The following BRF2 variants were observed in gnomAD, a reference collection of about 807,000 sequenced individuals.
BRF2 encodes transcription factor IIIB 50 kDa subunit.
Under a neutral mutation model 26.6 loss-of-function variants are expected in BRF2, and 17 were observed. The ratio of observed to expected loss-of-function variants is 0.64; its 90% CI spans 0.44 to 0.96. BRF2 has a LOEUF of 0.96. BRF2 is among the 40% of genes least tolerant of loss of function. BRF2 has a pLI of 0.00. For synonymous variants in BRF2, 219 were observed against 226.6 expected (o/e 0.97, Z 0.30); for missense variants, 515 against 537.0 (o/e 0.96, Z 0.40).
At chr8:37,846,675 G>A (rs979184176) in intron 3 of BRF2, among the ~76,000 whole-genome samples, 179 bp downstream of exon 3, 2 of 151,888 alleles carry the variant, frequency 1.3e-5, no homozygotes, top group Non-Finnish European at 2.9e-5. Context: ...GCTGAGGCAG[G>A]AGAATAGCTT....
In BRF2 at chr8:37,844,388, G is replaced by C. The variant is rs1805908692; in HGVS notation, c.*102C>G. 1.3e-6 allele frequency: 2 copies of C among 1,488,176 alleles called. No individual in the cohort carries two copies. The highest frequency in any genetic ancestry group is 1.4e-5 in the African/African-American group (1 of 71,558). The allele number at this position is 1,488,176 out of a possible 1,614,324, so 92.2% of individuals were successfully genotyped here. On this transcript the variant is annotated 3_prime_UTR_variant, in exon 4 of 4. Transcript: ENST00000220659. ...AGCCCCTCTTGGTTCCTTCAAACAA[G>C]AAAAGCAATACCTACGGACTGGTGT...
At chr8:37,849,208 GCCACCCCACC>G (rs1806019350) in intron 1 of BRF2, among the ~76,000 whole-genome samples, 1 of 152,214 alleles carries the variant, frequency 6.6e-6, no homozygotes, top group Admixed American at 6.5e-5. Flanking sequence ...ACAGGCGTAA[GCCACCCCACC>G]CAGACAATGG....
rs138044288 is a variant in BRF2, at chr8:37,849,681, C to T, written c.103G>A (p.Val35Ile). Residue 35 changes from valine (V) to isoleucine (I), a missense_variant, in exon 1 of 4, where the codon GTC (valine) becomes ATC (isoleucine). Coordinates refer to ENST00000220659, the MANE Select transcript of BRF2 (RefSeq NM_018310.4). Reference protein sequence around the residue: ...QLVCSDCGCVVTEGVLTTTFS... With the variant: ...QLVCSDCGCVITEGVLTTTFS... ...GTAGTGGTAAGGACCCCCTCGGTGA[C>T]CACGCAGCCGCAGTCGGAGCACACC... The T allele has an allele frequency of 1.2e-6, 2 of 1,613,570 alleles. No homozygotes were observed. Among genetic ancestry groups the T allele is most frequent in the Admixed American group, 1.7e-5 (1 of 59,998 alleles).
rs925351438 is a variant in BRF2 at position 37,843,667 on chromosome 8, G to C, written c.*823C>G. 6.6e-6 allele frequency: 1 copy of C among 152,454 alleles called. No individual in the cohort carries two copies. Among genetic ancestry groups the C allele is most frequent in the Admixed American group, 6.5e-5 (1 of 15,276 alleles). 9.4% of individuals were successfully genotyped at this position (152,454 alleles called of 1,614,324 possible). A position where few individuals can be genotyped will look rare whatever the true frequency, so the allele number is the denominator to read the frequency against. ...CATCACCAAGGTGACAGAGGACACA[G>C]GGGAGGGGGAAAACCCACACACACT... On this transcript the variant is annotated 3_prime_UTR_variant, in exon 4 of 4. Transcript: ENST00000220659.
chr8:37,845,331 C>T (rs1233749315), intron 3 of BRF2, 118 bp from the exon 4 acceptor site: 8 of 778,186 alleles, frequency 1.0e-5, no homozygotes, highest in African/African-American at 8.6e-5. Flanking sequence ...TACTCAAGCT[C>T]ACTGGGCAGC....
At chr8:37,847,208 T>C in intron 2 of BRF2, 33 bp from the exon 3 acceptor site, 3 of 1,596,158 alleles carry the variant, frequency 1.9e-6, no homozygotes, top group Non-Finnish European at 2.6e-6. Flanking sequence ...GTTAGAGGGG[T>C]CAAAGGAGCT....
intron 1 of BRF2, 112 bp from the exon 2 acceptor site, chr8:37,848,767 G>T: frequency 1.2e-6 from 1 of 831,884 alleles, no homozygotes; most frequent in Non-Finnish European, 2.1e-6. Flanking sequence ...ATCTGCTGCT[G>T]CACAGTTAAA....
At position 37,847,111 on chromosome 8, in the gene BRF2, C is replaced by A. The variant is rs749168448; in HGVS notation, c.279G>T (p.Ala93=). Residue 93 remains alanine, a synonymous_variant, in exon 3 of 4, where the codon GCG becomes GCT. Coordinates refer to ENST00000220659, the MANE Select transcript of BRF2 (RefSeq NM_018310.4). ...LQLPPTFEDT[A]VAYYQQAYRH... Reference sequence around the variant, plus strand: ...GATATGCCTGTTGGTAGTAGGCAACCGCGGTATCCTCAAATGTTGGTGGCA... The same window carrying A: ...GATATGCCTGTTGGTAGTAGGCAACAGCGGTATCCTCAAATGTTGGTGGCA... The A allele has an allele frequency of 1.2e-6, 2 of 1,614,060 alleles. No individual in the cohort carries two copies. Among genetic ancestry groups the A allele is most frequent in the South Asian group, 2.2e-5 (2 of 91,084 alleles).
rs540552226 is a variant in BRF2 at position 37,843,964 on chromosome 8, C to T, written c.*526G>A. On this transcript the variant is annotated 3_prime_UTR_variant, in exon 4 of 4. Transcript: ENST00000220659. ...TAATATATTAAAATTTTGCAAAGCC[C>T]TTTGAGCTACTGCCTTAGTCTACCC... is the stretch of plus-strand genomic sequence containing the variant. The T allele has an allele frequency of 6.5e-6, 1 of 153,650 alleles. No individual in the cohort carries two copies. Among genetic ancestry groups the T allele is most frequent in the Non-Finnish European group, 1.5e-5 (1 of 68,808 alleles). 9.5% of individuals were successfully genotyped at this position (153,650 alleles called of 1,614,324 possible). A position where few individuals can be genotyped will look rare whatever the true frequency, so the allele number is the denominator to read the frequency against.
In BRF2 at chr8:37,843,656, C is replaced by CA. The variant is rs1168694728; in HGVS notation, c.*833dup. The CA allele has an allele frequency of 1.3e-5, 2 of 152,290 alleles. No individual in the cohort carries two copies. The highest frequency in any genetic ancestry group is 4.8e-5 in the African/African-American group (2 of 41,364). 9.4% of individuals were successfully genotyped at this position (152,290 alleles called of 1,614,324 possible). On this transcript the variant is annotated 3_prime_UTR_variant, in exon 4 of 4. Coordinates refer to ENST00000220659, the MANE Select transcript of BRF2 (RefSeq NM_018310.4). ...CACTCTGGCCTCATCACCAAGGTGA[C>CA]AGAGGACACAGGGGAGGGGGAAAAC... is the stretch of plus-strand genomic sequence containing the variant.
At chr8:37,849,096 A>C (rs1294614556) in intron 1 of BRF2, among the ~76,000 whole-genome samples, 2 of 152,114 alleles carry the variant, frequency 1.3e-5, no homozygotes, top group South Asian at 2.1e-4. Context: ...CTAATTAAAA[A>C]AAAATTTTTT....
chr8:37,847,953 T>TTATTATTAG (rs1270643400), intron 2 of BRF2, among the ~76,000 whole-genome samples: 2 of 149,750 alleles, frequency 1.3e-5, no homozygotes, highest in African/African-American at 4.9e-5. Context: ...ATTATTATTA[T>TTATTATTAG]TATTATTATT....
rs755158179 is a variant in BRF2 at position 37,844,777 on chromosome 8, C to T, written c.973G>A (p.Glu325Lys). The change falls in exon 4 of 4, where the codon GAG (glutamate) becomes AAG (lysine). Residue 325 changes from glutamate (E) to lysine (K), a missense_variant. Glu to Lys is a moderately conservative substitution (Grantham distance 56). Coordinates refer to ENST00000220659, the MANE Select transcript of BRF2 (RefSeq NM_018310.4). ...GTAEVETREK[E>K]PPGWGQGQGE... ...TGCCCCTGTCCCCACCCCGGTGGCT[C>T]CTTCTCTCGGGTCTCCACTTCTGCT... 3.1e-6 allele frequency: 5 copies of T among 1,614,038 alleles called. No homozygotes were observed. The highest frequency in any genetic ancestry group is 4.2e-6 in the Non-Finnish European group (5 of 1,179,954).
rs1805877355 is a variant in BRF2, at chr8:37,843,489, C to T, written c.*1001G>A. The stretch of plus-strand genomic sequence containing the variant: ...CCTATGCCTTTACTCCTTTTAAACA[C>T]CAGCACCCGTCTTTTCCCCAACCTA... On this transcript the variant is annotated 3_prime_UTR_variant, in exon 4 of 4. Transcript: ENST00000220659. The T allele has an allele frequency of 1.3e-5, 2 of 152,276 alleles. No individual in the cohort carries two copies. The highest frequency in any genetic ancestry group is 4.8e-5 in the African/African-American group (2 of 41,462). 9.4% of individuals were successfully genotyped at this position (152,276 alleles called of 1,614,324 possible).
In BRF2 at chr8:37,849,828, G is replaced by C. The variant is rs561618269; in HGVS notation, c.-45C>G. On this transcript the variant is annotated 5_prime_UTR_variant, in exon 1 of 4. Coordinates refer to ENST00000220659, the MANE Select transcript of BRF2 (RefSeq NM_018310.4). ...CCGCGGAAGCCTTCAGAGACTCCTG[G>C]GTCTGCAACAGCAACCGTGAGGCAG... 54 of 1,551,308 alleles carry C rather than the reference G, an allele frequency of 3.5e-5. No homozygotes were observed. In the South Asian group the frequency reaches 5.6e-4, roughly 16 times the overall value.
intron 3 of BRF2, 47 bp downstream of exon 3, chr8:37,846,807 T>G: frequency 7.3e-7 from 1 of 1,364,034 alleles, no homozygotes; most frequent in Non-Finnish European, 1.0e-6. Flanking sequence ...GATTCAGGTC[T>G]AAGGACCCAT....
Position 37,844,321 on chromosome 8 carries a change from C to G in BRF2, c.*169G>C, listed in dbSNP as rs766235754. The G allele has an allele frequency of 1.3e-6, 1 of 776,694 alleles. No homozygotes were observed. The highest frequency in any genetic ancestry group is 2.1e-6 in the Non-Finnish European group (1 of 480,898). The allele number at this position is 776,694 out of a possible 1,614,324, so 48.1% of individuals were successfully genotyped here. A position where few individuals can be genotyped will look rare whatever the true frequency, so the allele number is the denominator to read the frequency against. On this transcript the variant is annotated 3_prime_UTR_variant, in exon 4 of 4. Coordinates refer to ENST00000220659, the MANE Select transcript of BRF2 (RefSeq NM_018310.4). Reference sequence around the variant, plus strand: ...TCTCCTACCTATAGTCATCCCTGCACTCCTGACTTTACTCCAGGACCCAGG... The same window carrying G: ...TCTCCTACCTATAGTCATCCCTGCAGTCCTGACTTTACTCCAGGACCCAGG...
intron 3 of BRF2, chr8:37,845,668 T>TG (rs1805943407): frequency 1.4e-6 from 1 of 697,706 alleles, no homozygotes. Flanking sequence ...CCAGGCGCAG[T>TG]GCTCACGCCT....
intron 3 of BRF2, 52 bp downstream of exon 3, chr8:37,846,802 A>C: frequency 1.6e-6 from 2 of 1,259,674 alleles, no homozygotes; most frequent in Non-Finnish European, 1.1e-6. Context: ...CAAAGGATTC[A>C]GGTCTAAGGA....
Sources: allele counts gnomAD v4.1 joint callset (sites outside exome capture counted in the v4.1 genomes callset), GRCh38; gene constraint gnomAD v4.1.1; transcripts MANE v1.5; gene names NCBI Gene and HGNC (gene_info 2026-07-23, HGNC 2026-07-21).